KCNU1: variants seen among roughly 807,000 people sequenced by gnomAD.
The protein encoded by KCNU1 is potassium channel subfamily U member 1.
KCNU1 carries 93 observed loss-of-function variants against 126.8 expected under a neutral mutation model. That is an observed-to-expected ratio of 0.73 (90% CI 0.62 to 0.87). The LOEUF is 0.87. Among genes scored for constraint, KCNU1 ranks in the 40% least tolerant of loss-of-function variants. KCNU1 has a pLI of 0.00. For missense variants in KCNU1, 1,330 were observed against 1,367.1 expected (o/e 0.97, Z 0.43); for synonymous variants, 523 against 494.2 (o/e 1.06, Z -0.77).
Position 36,860,735 on chromosome 8 carries a change from A to G in KCNU1, c.1892-3669A>G, listed in dbSNP as rs536136862. Among the ~76,000 whole-genome samples, 16 of 152,280 alleles carry G rather than the reference A, an allele frequency of 1.1e-4. No homozygotes were observed. The South Asian group carries it at 3.3e-3, about 32-fold the overall frequency. ...GTTTTAGAGTCTGCATTAAAATGCT[A>G]ATATTCTGCAATACAGTCAAATCTA... is the stretch of plus-strand genomic sequence containing the variant. On this transcript the variant is annotated intron_variant, in intron 18 of 26. Transcript: ENST00000399881.
At chr8:36,915,861 T>A (rs1808079699) in intron 22 of KCNU1, among the ~76,000 whole-genome samples, 1 of 152,094 alleles carries the variant, frequency 6.6e-6, no homozygotes, top group African/African-American at 2.4e-5. Flanking sequence ...CAACATGTGG[T>A]ATGTAACTGG....
At chr8:36,872,533 C>G (rs955127178) in intron 19 of KCNU1, among the ~76,000 whole-genome samples, 4 of 152,122 alleles carry the variant, frequency 2.6e-5, no homozygotes, top group Non-Finnish European at 5.9e-5. Context: ...ACTTACTGTC[C>G]TGTGGCTCAG....
At chr8:36,817,622 A>T in intron 9 of KCNU1, 28 bp from the exon 10 acceptor site, 1 of 1,194,908 alleles carries the variant, frequency 8.4e-7, no homozygotes, top group Non-Finnish European at 1.2e-6. Flanking sequence ...GCCTCGGATG[A>T]TCCACCTCAC....
At chr8:36,887,971 G>A (rs1025170208) in intron 19 of KCNU1, among the ~76,000 whole-genome samples, 1 of 152,068 alleles carries the variant, frequency 6.6e-6, no homozygotes, top group African/African-American at 2.4e-5. Flanking sequence ...GTATCATGAG[G>A]CTCATCTAAT....
intron 19 of KCNU1, among the ~76,000 whole-genome samples, chr8:36,889,682 G>A (rs1296313017): frequency 1.3e-5 from 2 of 151,984 alleles, no homozygotes; most frequent in Non-Finnish European, 2.9e-5. Flanking sequence ...ATGAGGAGGA[G>A]AAAGAAAAAT....
At chr8:36,927,266 C>T (rs1808564552) in intron 24 of KCNU1, among the ~76,000 whole-genome samples, 1 of 152,130 alleles carries the variant, frequency 6.6e-6, no homozygotes, top group Admixed American at 6.6e-5. Flanking sequence ...CCTTCTGATA[C>T]AGTTGACATT....
intron 2 of KCNU1, among the ~76,000 whole-genome samples, chr8:36,801,863 A>G (rs962209126): frequency 6.6e-6 from 1 of 152,036 alleles, no homozygotes. Flanking sequence ...TAATCCCAGC[A>G]CTTGAGAGGT....
At chr8:36,797,987 G>A (rs750174019) in intron 2 of KCNU1, among the ~76,000 whole-genome samples, 26 of 152,210 alleles carry the variant, frequency 1.7e-4, no homozygotes, top group Non-Finnish European at 3.1e-4. Flanking sequence ...GACGAGGCAT[G>A]AAGCCTAGAG....
chr8:36,808,349 T>C (rs537748979), intron 6 of KCNU1, among the ~76,000 whole-genome samples: 3 of 152,152 alleles, frequency 2.0e-5, no homozygotes, highest in African/African-American at 4.8e-5. Context: ...TAATGAATTG[T>C]ATATTATTAT....
intron 19 of KCNU1, among the ~76,000 whole-genome samples, chr8:36,883,831 T>A (rs1184428778): frequency 6.6e-6 from 1 of 152,182 alleles, no homozygotes; most frequent in Admixed American, 6.5e-5. Context: ...CAAATATCTG[T>A]GTCCAATCAG....
At chr8:36,823,443 C>T (rs1464360224) in intron 10 of KCNU1, among the ~76,000 whole-genome samples, 2 of 152,074 alleles carry the variant, frequency 1.3e-5, no homozygotes, top group East Asian at 1.9e-4. Flanking sequence ...CTCTGCATCA[C>T]TTCTATTGTT....
At chr8:36,916,832 T>C (rs1808129708) in intron 22 of KCNU1, among the ~76,000 whole-genome samples, 1 of 152,194 alleles carries the variant, frequency 6.6e-6, no homozygotes, top group South Asian at 2.1e-4. Flanking sequence ...GCTTCAGTTT[T>C]TATCCTACAT....
At chr8:36,927,586 T>C (rs1305367014) in intron 24 of KCNU1, among the ~76,000 whole-genome samples, 2 of 152,168 alleles carry the variant, frequency 1.3e-5, no homozygotes, top group Non-Finnish European at 2.9e-5. Flanking sequence ...TACCCTATAA[T>C]CTCACTCTGA....
chr8:36,924,427 A>G (rs2117595080), intron 24 of KCNU1, among the ~76,000 whole-genome samples: 1 of 152,314 alleles, frequency 6.6e-6, no homozygotes, highest in East Asian at 1.9e-4. Context: ...CCTGACATCA[A>G]TGCCATTCGG....
intron 19 of KCNU1, among the ~76,000 whole-genome samples, chr8:36,879,511 C>T (rs902188886): frequency 4.6e-5 from 7 of 151,676 alleles, no homozygotes; most frequent in South Asian, 2.1e-4. Flanking sequence ...CTTTGATATG[C>T]GTTGTGCTTT....
intron 26 of KCNU1, among the ~76,000 whole-genome samples, chr8:36,934,981 TTC>T (rs1808810016): frequency 6.6e-6 from 1 of 152,126 alleles, no homozygotes. Context: ...CCAGGCTACA[TTC>T]TGTGGGAAAG....
intron 22 of KCNU1, among the ~76,000 whole-genome samples, chr8:36,913,959 C>T (rs1468087346): frequency 1.3e-5 from 2 of 152,056 alleles, no homozygotes; most frequent in Admixed American, 6.5e-5. Context: ...GGGCTATTAC[C>T]CAGAATCTTC....
chr8:36,915,728 C>T (rs1410625759), intron 22 of KCNU1, among the ~76,000 whole-genome samples: 1 of 152,200 alleles, frequency 6.6e-6, no homozygotes, highest in Non-Finnish European at 1.5e-5. Flanking sequence ...CAGATTCTGT[C>T]TCAATGTCAG....
At chr8:36,916,255 CAAAG>C (rs1319589344) in intron 22 of KCNU1, among the ~76,000 whole-genome samples, 3 of 106,872 alleles carry the variant, frequency 2.8e-5, no homozygotes, top group African/African-American at 7.5e-5. Context: ...AAGGAAGAAA[CAAAG>C]GAAGGAAAGG....
Sources: gnomAD v4.1 joint callset for allele counts (sites outside exome capture counted in the v4.1 genomes callset) on GRCh38, gnomAD v4.1.1 for gene constraint, MANE v1.5 for transcripts, NCBI Gene and HGNC (gene_info 2026-07-23, HGNC 2026-07-21) for gene names.